Variants in SLU7 observed in about 807,000 individuals in gnomAD.
SLU7 encodes the protein pre-mRNA-splicing factor SLU7.
SLU7 carries 60 observed loss-of-function variants against 87.0 expected under a neutral mutation model. The ratio of observed to expected loss-of-function variants is 0.69; its 90% confidence interval spans 0.56 to 0.86. The LOEUF is 0.86. SLU7 is among the 40% of genes least tolerant of loss of function. The probability of loss-of-function intolerance (pLI) is 0.00; values close to 1 mark genes in which losing one functional copy is unlikely to be tolerated. For synonymous variants in SLU7, 197 were observed against 222.0 expected (o/e 0.89, Z 1.00); for missense variants, 507 against 686.6 (o/e 0.74, Z 2.92).
chr5:160,410,032 T>C (rs1423663590), intron 6 of SLU7, among the ~76,000 whole-genome samples: 3 of 152,180 alleles, frequency 2.0e-5, no homozygotes, highest in African/African-American at 7.2e-5. Context: ...TATAGGTCTA[T>C]AAATATAGAC....
chr5:160,409,862 G>A (rs1765160535), intron 6 of SLU7, among the ~76,000 whole-genome samples: 1 of 152,124 alleles, frequency 6.6e-6, no homozygotes, highest in African/African-American at 2.4e-5. Flanking sequence ...ATTTATTCAA[G>A]ACAGTCTGAA....
At chr5:160,409,417 A>T (rs1765143601) in intron 6 of SLU7, among the ~76,000 whole-genome samples, 1 of 152,198 alleles carries the variant, frequency 6.6e-6, no homozygotes, top group Admixed American at 6.5e-5. Flanking sequence ...ATACTTAAAA[A>T]AAAAGAGAAT....
chr5:160,408,721 C>A, intron 6 of SLU7, 24 bp from the exon 7 acceptor site: 1 of 1,385,330 alleles, frequency 7.2e-7, no homozygotes, highest in Non-Finnish European at 9.9e-7. Flanking sequence ...GAAGAAAAAT[C>A]ATTCATAATC....
intron 1 of SLU7, 47 bp from the exon 2 acceptor site, chr5:160,415,357 T>C: frequency 1.4e-6 from 2 of 1,404,602 alleles, no homozygotes; most frequent in Non-Finnish European, 1.9e-6. Flanking sequence ...CCTTCATGAA[T>C]TCACTCAAAC....
At position 160,411,470 on chromosome 5, in the gene SLU7, C is replaced by T. The variant is rs1254074125; in HGVS notation, c.639+981G>A. Among the ~76,000 whole-genome samples, 6 of 151,786 alleles carry T rather than the reference C, an allele frequency of 4.0e-5. No homozygotes were observed. The East Asian group carries it at 9.7e-4, about 25-fold the overall frequency. ...CTGACCTCAGATGATCCACCTGCCT[C>T]GGCCTCCCAAAGTGCTGGGATTACA... On this transcript the variant is annotated intron_variant, in intron 6 of 15. Coordinates refer to ENST00000297151, the MANE Select transcript of SLU7 (RefSeq NM_006425.5).
At position 160,405,250 on chromosome 5, in the gene SLU7, T is replaced by C. The variant is rs531802249; in HGVS notation, c.1288-115A>G. ...CATTAAAGGTAATTTGGGAGAAAAATTATGGGGATTCAAGGCTGGCTAACA... is the reference window on the plus strand; with the variant it reads ...CATTAAAGGTAATTTGGGAGAAAAACTATGGGGATTCAAGGCTGGCTAACA... On this transcript the variant is annotated intron_variant, in intron 12 of 15. Transcript: ENST00000297151. 20 of 699,420 alleles carry C rather than the reference T, an allele frequency of 2.9e-5. No homozygotes were observed. In the South Asian group the frequency reaches 3.6e-4, roughly 13 times the overall value. 43.3% of individuals were successfully genotyped at this position (699,420 alleles called of 1,614,324 possible).
At chr5:160,408,620 A>G (rs759810615) in intron 7 of SLU7, 30 bp downstream of exon 7, 29 of 1,467,552 alleles carry the variant, frequency 2.0e-5, no homozygotes, top group Non-Finnish European at 2.6e-5. Context: ...AAAATTTAAC[A>G]TATACTCAGA....
Position 160,413,936 on chromosome 5 carries a change from C to A in SLU7, c.368G>T (p.Cys123Phe). The A allele has an allele frequency of 6.2e-7, 1 of 1,601,920 alleles. No homozygotes were observed. Residue 123 changes from cysteine to phenylalanine, a missense_variant, in exon 4 of 16, where the codon TGT (cysteine) becomes TTT (phenylalanine). Cys to Phe is a radical substitution (Grantham distance 205). Transcript: ENST00000297151. ...TKYRKGACEN[C>F]GAMTHKKKDC... ...TTTCTTTTTGTGTGTCATGGCCCCA[C>A]AATTTTCACATGCTCCTTTGCGGTA...
In SLU7 at chr5:160,404,704, G is replaced by A. The variant is rs889466073; in HGVS notation, c.1464+105C>T. 44 of 921,492 alleles carry A rather than the reference G, an allele frequency of 4.8e-5. No individual in the cohort carries two copies. The African/African-American group carries it at 5.4e-4, about 11-fold the overall frequency. 57.1% of individuals were successfully genotyped at this position (921,492 alleles called of 1,614,324 possible). A position where few individuals can be genotyped will look rare whatever the true frequency, so the allele number is the denominator to read the frequency against. ...CCGTGCACTGCGCTCGAGCCTGGGC[G>A]ACAGAATGAGATTCTGTTTCAAAAG... On this transcript the variant is annotated intron_variant, in intron 14 of 15. Transcript: ENST00000297151.
rs1765105042 is a variant in SLU7, at chr5:160,408,636, C to T, written c.687+14G>A. The T allele has an allele frequency of 6.6e-7, 1 of 1,517,910 alleles. No individual in the cohort carries two copies. The highest frequency in any genetic ancestry group is 1.7e-5 in the Admixed American group (1 of 57,190). The allele number at this position is 1,517,910 out of a possible 1,614,324, so 94.0% of individuals were successfully genotyped here. On this transcript the variant is annotated intron_variant, in intron 7 of 15. Transcript: ENST00000297151. ...AAATTTAACATATACTCAGAGACAG[C>T]AAATATGTATTACCATCTGAGAATT...
intron 1 of SLU7, 21 bp downstream of exon 1, chr5:160,419,002 G>A (rs1383950007): frequency 6.6e-6 from 1 of 152,318 alleles, no homozygotes; most frequent in African/African-American, 2.4e-5. Flanking sequence ...TCGCCCGCAA[G>A]TTCTAACAAT....
chr5:160,415,949 G>A (rs1581075959), intron 1 of SLU7, among the ~76,000 whole-genome samples: 2 of 151,874 alleles, frequency 1.3e-5, no homozygotes, highest in South Asian at 2.1e-4. Context: ...CTGGAGTGCA[G>A]TGGCATGATC....
chr5:160,403,479 A>G lies in SLU7; in HGVS notation c.1582-15T>C, dbSNP rs1764874545. 9.5e-6 allele frequency: 15 copies of G among 1,577,720 alleles called. No individual in the cohort carries two copies. Among genetic ancestry groups the G allele is most frequent in the Non-Finnish European group, 1.3e-5 (15 of 1,163,942 alleles). ...GCGTTCAGTGCCTATAGTGAGAGGA[A>G]TAAAATGTGTATCACAGCTCTACAT... On this transcript the variant is annotated splice_polypyrimidine_tract_variant and intron_variant, in intron 15 of 15. Transcript: ENST00000297151.
Position 160,404,552 on chromosome 5 carries a change from T to A in SLU7, c.1469A>T (p.His490Leu). The A allele has an allele frequency of 6.3e-7, 1 of 1,586,262 alleles. No individual in the cohort carries two copies. The highest frequency in any genetic ancestry group is 8.6e-7 in the Non-Finnish European group (1 of 1,157,964). Residue 490 changes from histidine (H) to leucine (L), a missense_variant, in exon 15 of 16, where the codon CAT becomes CTT. His to Leu is a moderately conservative substitution (Grantham distance 99, BLOSUM62 -3). Around this residue, in one of 6 missense-constraint regions of SLU7, gnomAD observed 201 missense variants for 213.4 expected, o/e 0.94. Transcript: ENST00000297151. ...VKKPQTLMELHQEKLKEEKKK... is the reference protein window; with the variant it reads ...VKKPQTLMELLQEKLKEEKKK... ...CTTTTCCTCTTTCAGTTTTTCTTGATGCAGCTGAAAGGGAGGATTGAAATG... is the reference window on the plus strand; with the variant it reads ...CTTTTCCTCTTTCAGTTTTTCTTGAAGCAGCTGAAAGGGAGGATTGAAATG...
At chr5:160,413,644 C>A in intron 4 of SLU7, 24 bp from the exon 5 acceptor site, 2 of 1,591,620 alleles carry the variant, frequency 1.3e-6, no homozygotes, top group Non-Finnish European at 1.7e-6. Flanking sequence ...AAGATTTAAT[C>A]TTTTCCTAAG....
At chr5:160,406,433 A>G in intron 12 of SLU7, 35 bp downstream of exon 12, 1 of 1,545,062 alleles carries the variant, frequency 6.5e-7, no homozygotes, top group South Asian at 1.2e-5. Context: ...AGCAAAACCA[A>G]CAAGGACACA....
At chr5:160,409,822 G>C (rs147706952) in intron 6 of SLU7, among the ~76,000 whole-genome samples, 10 of 152,252 alleles carry the variant, frequency 6.6e-5, no homozygotes, top group Non-Finnish European at 1.5e-4. Context: ...GGGAGAGACA[G>C]ATAGGATAAG....
At chr5:160,404,927 C>T in intron 13 of SLU7, 47 bp from the exon 14 acceptor site, 1 of 1,511,902 alleles carries the variant, frequency 6.6e-7, no homozygotes, top group African/African-American at 1.4e-5. Context: ...AGTTACTAAT[C>T]ATCTAAGAAC....
At position 160,404,504 on chromosome 5, in the gene SLU7, T is replaced by C. The variant is rs778650126; in HGVS notation, c.1517A>G (p.Lys506Arg). ...ATCTGAACTGCTCTTTCGATGCTTC[T>C]TCTTTTTCTTTTTCTTCTTCTTCTT... is the stretch of plus-strand genomic sequence containing the variant. ...EEKKKKKKKKKKHRKSSSDSD... is the reference protein window; with the variant it reads ...EEKKKKKKKKRKHRKSSSDSD... Residue 506 changes from lysine (K) to arginine (R), a missense_variant, in exon 15 of 16, where the codon AAG becomes AGG. Around this residue, in one of 6 missense-constraint regions of SLU7, gnomAD observed 201 missense variants for 213.4 expected, o/e 0.94. Transcript: ENST00000297151. 2.5e-6 allele frequency: 4 copies of C among 1,611,458 alleles called. No homozygotes were observed. Among genetic ancestry groups the C allele is most frequent in the Admixed American group, 1.7e-5 (1 of 59,908 alleles).
Sources: gnomAD v4.1 joint callset for allele counts (sites outside exome capture counted in the v4.1 genomes callset) on GRCh38, gnomAD v4.1.1 for gene constraint, gnomAD v4.1.1 regional missense constraint, MANE v1.5 for transcripts, NCBI Gene and HGNC (gene_info 2026-07-23, HGNC 2026-07-21) for gene names.